ATAD3C: variants seen among roughly 807,000 people sequenced by gnomAD.
The protein encoded by ATAD3C is ATPase family AAA domain containing 3C.
A neutral mutation model predicts 46.3 loss-of-function variants in ATAD3C; 38 were observed. That is an observed-to-expected ratio of 0.82 (90% CI 0.63 to 1.08). The LOEUF (loss-of-function observed/expected upper bound fraction) is 1.08, where lower values mean the gene tolerates loss of function less well. ATAD3C is among the 50% of genes least tolerant of loss of function. The pLI, the probability that ATAD3C is intolerant of heterozygous loss-of-function variation, is 0.00. For missense variants in ATAD3C, 563 were observed against 572.7 expected, an observed-to-expected ratio of 0.98 and a Z score of 0.17; for synonymous variants, 220 against 236.4, an observed-to-expected ratio of 0.93 and a Z score of 0.63.
intron 1 of ATAD3C, among the ~76,000 whole-genome samples, chr1:1,451,327 C>T (rs751602195): frequency 6.6e-5 from 10 of 150,558 alleles, no homozygotes; most frequent in Admixed American, 1.3e-4. Context: ...TGAGCCACCG[C>T]GTCCAGCTCA....
chr1:1,458,802 A>T (rs979402099), intron 8 of ATAD3C, among the ~76,000 whole-genome samples: 5 of 150,918 alleles, frequency 3.3e-5, no homozygotes, highest in African/African-American at 4.9e-5. Flanking sequence ...AGCTCGCTGC[A>T]ACCTCTGCCT....
At chr1:1,465,253 G>A (rs771301325) in intron 11 of ATAD3C, among the ~76,000 whole-genome samples, 14 of 151,676 alleles carry the variant, frequency 9.2e-5, no homozygotes, top group Non-Finnish European at 2.1e-4. Flanking sequence ...TTATTCTTTC[G>A]GATGCTATTG....
chr1:1,468,780 G>A lies in ATAD3C; in HGVS notation c.*250G>A. 7.2e-6 allele frequency: 5 copies of A among 697,554 alleles called. No individual in the cohort carries two copies. Among genetic ancestry groups the A allele is most frequent in the Non-Finnish European group, 1.1e-5 (5 of 444,450 alleles). 43.2% of individuals were successfully genotyped at this position (697,554 alleles called of 1,614,324 possible). On this transcript the variant is annotated 3_prime_UTR_variant, in exon 12 of 12. Coordinates refer to ENST00000378785, the MANE Select transcript of ATAD3C (RefSeq NM_001039211.3). ...CACAGAGGGGTGGGCTTCACAGGAG[G>A]TGGCTGCCACGGCGGGGCCGGGTGC...
At chr1:1,451,259 G>T (rs1030528702) in intron 1 of ATAD3C, among the ~76,000 whole-genome samples, 1 of 151,750 alleles carries the variant, frequency 6.6e-6, no homozygotes, top group African/African-American at 2.4e-5. Flanking sequence ...AGCCAGGATG[G>T]TGTCGATTTC....
rs527479928 is a variant in ATAD3C, at chr1:1,462,539, C to G, written c.981-61C>G. 17 of 1,483,798 alleles carry G rather than the reference C, an allele frequency of 1.1e-5. No individual in the cohort carries two copies. In the East Asian group the frequency reaches 3.9e-4, roughly 34 times the overall value. 91.9% of individuals were successfully genotyped at this position (1,483,798 alleles called of 1,614,324 possible). ...TCCGCCTGGCTGCCTGTCTTCCGGCCTCCACCTCGTGGTGTGGGAGCTGCT... is the reference window on the plus strand; with the variant it reads ...TCCGCCTGGCTGCCTGTCTTCCGGCGTCCACCTCGTGGTGTGGGAGCTGCT... On this transcript the variant is annotated intron_variant, in intron 10 of 11. Coordinates refer to ENST00000378785, the MANE Select transcript of ATAD3C (RefSeq NM_001039211.3). The surrounding 1 kb of genome is among the most constrained non-coding windows in gnomAD (Gnocchi z 4.5).
intron 8 of ATAD3C, among the ~76,000 whole-genome samples, chr1:1,458,336 G>C (rs11485868): frequency 6.6e-6 from 1 of 151,246 alleles, no homozygotes; most frequent in Non-Finnish European, 1.5e-5. Context: ...GTGCAATGGC[G>C]CGATCTTGGC....
intron 11 of ATAD3C, among the ~76,000 whole-genome samples, chr1:1,467,707 C>T (rs1468783399): frequency 6.6e-6 from 1 of 152,108 alleles, no homozygotes; most frequent in Non-Finnish European, 1.5e-5. Context: ...GCATGGCGCC[C>T]AGTGGGGGTC....
chr1:1,460,786 G>T lies in ATAD3C; in HGVS notation c.849G>T (p.Gln283His). ...TCCTGGCCAGCTGCCACCCCGAGCAGTTCGACTGGGCCATCAATGCCTGCA... is the reference window on the plus strand; with the variant it reads ...TCCTGGCCAGCTGCCACCCCGAGCATTTCGACTGGGCCATCAATGCCTGCA... ...MLILASCHPE[Q>H]FDWAINACID... Residue 283 changes from glutamine to histidine, a missense_variant, in exon 10 of 12, where the codon CAG (glutamine) becomes CAT (histidine). Transcript: ENST00000378785. The T allele has an allele frequency of 6.2e-7, 1 of 1,612,032 alleles. No homozygotes were observed. The highest frequency in any genetic ancestry group is 1.1e-5 in the South Asian group (1 of 90,760).
Position 1,462,661 on chromosome 1 carries a change from G to A in ATAD3C, c.1042G>A (p.Glu348Lys). 6.2e-7 allele frequency: 1 copy of A among 1,607,426 alleles called. No individual in the cohort carries two copies. Among genetic ancestry groups the A allele is most frequent in the Non-Finnish European group, 8.5e-7 (1 of 1,177,388 alleles). Residue 348 changes from glutamate (E) to lysine (K), a missense_variant, in exon 11 of 12, where the codon GAG becomes AAG. Glu to Lys is a moderately conservative substitution (Grantham distance 56). Coordinates refer to ENST00000378785, the MANE Select transcript of ATAD3C (RefSeq NM_001039211.3). The surrounding 1 kb of genome is among the most constrained non-coding windows in gnomAD (Gnocchi z 4.5). ...RKCLEIARLT[E>K]GMSCRKIAQL... is the part of the protein sequence containing the mutation. ...GTGCTTAGAGATCGCTCGGCTGACA[G>A]AGGGCATGTCATGCCGGAAGATCGC...
intron 10 of ATAD3C, 101 bp downstream of exon 10, chr1:1,461,018 T>G: frequency 7.2e-7 from 1 of 1,380,296 alleles, no homozygotes; most frequent in Non-Finnish European, 9.6e-7. Flanking sequence ...GTCTCCAGGA[T>G]GGGCACCACC....
rs951269873 is a variant in ATAD3C, at chr1:1,462,484, T to C, written c.981-116T>C. The C allele has an allele frequency of 1.9e-6, 2 of 1,079,206 alleles. No individual in the cohort carries two copies. Among genetic ancestry groups the C allele is most frequent in the Non-Finnish European group, 2.7e-6 (2 of 728,888 alleles). 66.9% of individuals were successfully genotyped at this position (1,079,206 alleles called of 1,614,324 possible). ...GAACTTGGCTGTCACAGGTAGAGAG[T>C]CCCTCTCAAGGGGGCATCTGGCATG... is the stretch of plus-strand genomic sequence containing the variant. On this transcript the variant is annotated intron_variant, in intron 10 of 11. Transcript: ENST00000378785. The surrounding 1 kb of genome is among the most constrained non-coding windows in gnomAD (Gnocchi z 4.5).
Position 1,457,128 on chromosome 1 carries a change from G to A in ATAD3C, c.690-1G>A. 1 of 1,613,496 alleles carries A rather than the reference G, an allele frequency of 6.2e-7. No individual in the cohort carries two copies. Among genetic ancestry groups the A allele is most frequent in the Non-Finnish European group, 8.5e-7 (1 of 1,179,606 alleles). On this transcript the variant is annotated splice_acceptor_variant, in intron 7 of 11. Transcript: ENST00000378785. LOFTEE classifies it high-confidence loss of function. ...CAGCTTGGCCTCCCTCTCGTCCACA[G>A]CCTCCTGCTCTTTGTGGATGAAGCG...
intron 4 of ATAD3C, among the ~76,000 whole-genome samples, chr1:1,454,872 T>A (rs1213152096): frequency 1.3e-5 from 2 of 151,778 alleles, no homozygotes; most frequent in Non-Finnish European, 2.9e-5. Context: ...GTGCCTGCTC[T>A]CCACACGGGG....
At chr1:1,457,454 T>C (rs373613272) in intron 8 of ATAD3C, among the ~76,000 whole-genome samples, 1 of 151,120 alleles carries the variant, frequency 6.6e-6, no homozygotes, top group Non-Finnish European at 1.5e-5. Context: ...AAATTAGCTG[T>C]GCGTGGTGGC....
rs905751582 is a variant in ATAD3C, at chr1:1,459,953, G to A, written c.812+722G>A. 6.6e-6 allele frequency among the ~76,000 whole-genome samples: 1 copy of A among 152,060 alleles called. No individual in the cohort carries two copies. The highest frequency in any genetic ancestry group is 1.5e-5 in the Non-Finnish European group (1 of 67,986). On this transcript the variant is annotated intron_variant, in intron 9 of 11. Coordinates refer to ENST00000378785, the MANE Select transcript of ATAD3C (RefSeq NM_001039211.3). This position sits in a 1 kb window ranked among gnomAD's most constrained non-coding sequence, Gnocchi z 4.9. ...TGGGCTCCTGGGTCAGCTGCTGCCG[G>A]TAGACGCTCCCTGGAGCCCTGACTC...
intron 9 of ATAD3C, among the ~76,000 whole-genome samples, 200 bp from the exon 10 acceptor site, chr1:1,460,549 CA>C (rs1283378275): frequency 5.3e-5 from 8 of 152,176 alleles, no homozygotes; most frequent in East Asian, 3.9e-4. Flanking sequence ...GGAAGCCGGG[CA>C]GGGGGACAGC....
intron 3 of ATAD3C, among the ~76,000 whole-genome samples, chr1:1,453,011 C>A (rs1638890402): frequency 6.6e-6 from 1 of 152,018 alleles, no homozygotes. Context: ...TCCCCCCACC[C>A]CGCCCAGCAC....
chr1:1,455,746 T>C (rs751835008), intron 5 of ATAD3C, 45 bp from the exon 6 acceptor site: 25 of 1,609,790 alleles, frequency 1.6e-5, no homozygotes, highest in Non-Finnish European at 1.8e-5. Flanking sequence ...CCGAGGCTTC[T>C]GTGGGTGCAG....
rs555128922 is a variant in ATAD3C at position 1,457,468 on chromosome 1, C to T, written c.741+288C>T. ...AAAATTAGCTGTGCGTGGTGGCGGGCGCCCGTAGTCCCAGCTACTCGGGAG... is the reference window on the plus strand; with the variant it reads ...AAAATTAGCTGTGCGTGGTGGCGGGTGCCCGTAGTCCCAGCTACTCGGGAG... On this transcript the variant is annotated intron_variant, in intron 8 of 11. Coordinates refer to ENST00000378785, the MANE Select transcript of ATAD3C (RefSeq NM_001039211.3). Among the ~76,000 whole-genome samples, 16 of 150,920 alleles carry T rather than the reference C, an allele frequency of 1.1e-4. No homozygotes were observed. The South Asian group carries it at 1.7e-3, about 16-fold the overall frequency.
Sources: gnomAD v4.1 joint callset for allele counts (sites outside exome capture counted in the v4.1 genomes callset) on GRCh38, gnomAD v4.1.1 for gene constraint, Gnocchi (gnomAD v3.1) non-coding constraint, MANE v1.5 for transcripts, NCBI Gene and HGNC (gene_info 2026-07-23, HGNC 2026-07-21) for gene names.